MATCAP2: variants seen among roughly 807,000 people sequenced by gnomAD.
MATCAP2 encodes putative tyrosine carboxypeptidase MATCAP2.
chr7:36,369,941 G>T, the MATCAP2 span, among the ~76,000 whole-genome samples: 1 of 151,962 alleles, frequency 6.6e-6, no homozygotes, highest in Non-Finnish European at 1.5e-5. Context: ...TTATTTTTAT[G>T]TTCACCCTAC....
At chr7:36,363,934 G>A in the MATCAP2 span, among the ~76,000 whole-genome samples, 6 of 151,998 alleles carry the variant, frequency 3.9e-5, no homozygotes, top group African/African-American at 1.5e-4. Flanking sequence ...AATGTACATA[G>A]GGAAATATTC....
chr7:36,364,091 CTT>C, the MATCAP2 span, among the ~76,000 whole-genome samples: 6 of 40,602 alleles, frequency 1.5e-4, no homozygotes, highest in Admixed American at 2.1e-4. Flanking sequence ...TCTTCTTCTT[CTT>C]TTTTTTTTTT....
the MATCAP2 span, among the ~76,000 whole-genome samples, chr7:36,364,280 G>A: frequency 6.6e-6 from 1 of 151,962 alleles, no homozygotes; most frequent in Non-Finnish European, 1.5e-5. Flanking sequence ...TAGAGATAAG[G>A]TTTTGCCGTG....
chr7:36,374,833 C>T, the MATCAP2 span, among the ~76,000 whole-genome samples: 8 of 152,200 alleles, frequency 5.3e-5, no homozygotes, highest in Non-Finnish European at 1.0e-4. Flanking sequence ...ATGATGGTTT[C>T]CAGCTTCATC....
the MATCAP2 span, among the ~76,000 whole-genome samples, chr7:36,380,146 A>G: frequency 5.6e-4 from 85 of 152,316 alleles, no homozygotes; most frequent in African/African-American, 2.0e-3. Flanking sequence ...GGTGATGAGC[A>G]GGGCATTTTG....
chr7:36,361,962 T>C, the MATCAP2 span, among the ~76,000 whole-genome samples: 3 of 152,228 alleles, frequency 2.0e-5, no homozygotes, highest in African/African-American at 7.2e-5. Context: ...AACTAATTTA[T>C]GGTATTAGAC....
At chr7:36,369,347 T>C in the MATCAP2 span, among the ~76,000 whole-genome samples, 2 of 152,240 alleles carry the variant, frequency 1.3e-5, no homozygotes, top group African/African-American at 4.8e-5. Flanking sequence ...GTAGTAATTC[T>C]TGCAACATAT....
chr7:36,368,331 A>G, the MATCAP2 span: 21 of 152,232 alleles, frequency 1.4e-4, no homozygotes, highest in African/African-American at 4.3e-4. Context: ...AGAAAGTTGA[A>G]TATCAGGACC....
the MATCAP2 span, among the ~76,000 whole-genome samples, chr7:36,340,323 T>C: frequency 3.3e-5 from 5 of 152,226 alleles, no homozygotes; most frequent in African/African-American, 1.2e-4. Context: ...TAAATACACG[T>C]GTTCCTTGTT....
At chr7:36,325,169 G>GTGTT in the MATCAP2 span, 2 of 152,352 alleles carry the variant, frequency 1.3e-5, no homozygotes, top group Non-Finnish European at 2.9e-5. Context: ...GCAGATTCTA[G>GTGTT]TGTTCGGTGA....
the MATCAP2 span, among the ~76,000 whole-genome samples, chr7:36,369,026 A>G: frequency 1.3e-5 from 2 of 152,090 alleles, no homozygotes; most frequent in Non-Finnish European, 2.9e-5. Context: ...TATCTAATTT[A>G]TTATATATTT....
the MATCAP2 span, among the ~76,000 whole-genome samples, chr7:36,364,735 C>T: frequency 6.6e-5 from 10 of 152,290 alleles, no homozygotes; most frequent in South Asian, 2.1e-3. Context: ...CAGCTTAACT[C>T]TCTACATGAA....
the MATCAP2 span, among the ~76,000 whole-genome samples, chr7:36,346,629 G>T: frequency 1.3e-5 from 2 of 152,176 alleles, no homozygotes; most frequent in Admixed American, 6.5e-5. Context: ...CTGGAAGGTT[G>T]GTGAGATGGG....
At chr7:36,383,959 A>G in the MATCAP2 span, 1 of 1,312,134 alleles carries the variant, frequency 7.6e-7, no homozygotes, top group South Asian at 1.6e-5. Flanking sequence ...GTGTTATTGT[A>G]TTACTTTGTG....
the MATCAP2 span, among the ~76,000 whole-genome samples, chr7:36,366,086 G>A: frequency 6.6e-6 from 1 of 152,200 alleles, no homozygotes; most frequent in Non-Finnish European, 1.5e-5. Flanking sequence ...GTACTGCATT[G>A]CTCTAAAATG....
chr7:36,384,451 A>G, the MATCAP2 span, among the ~76,000 whole-genome samples: 3 of 152,216 alleles, frequency 2.0e-5, no homozygotes, highest in African/African-American at 7.2e-5. Flanking sequence ...AATAAGAGTT[A>G]TGCTTATATT....
the MATCAP2 span, among the ~76,000 whole-genome samples, chr7:36,331,848 A>G: frequency 6.6e-6 from 1 of 152,184 alleles, no homozygotes. Context: ...GGAGTCATAT[A>G]TTAAGGAATT....
At chr7:36,365,570 T>C in the MATCAP2 span, among the ~76,000 whole-genome samples, 1 of 152,122 alleles carries the variant, frequency 6.6e-6, no homozygotes, top group Non-Finnish European at 1.5e-5. Flanking sequence ...CGTGGTAGCA[T>C]GCGTCTGTAA....
At chr7:36,352,997 C>G in the MATCAP2 span, among the ~76,000 whole-genome samples, 4 of 151,834 alleles carry the variant, frequency 2.6e-5, no homozygotes, top group East Asian at 7.7e-4. Flanking sequence ...AGGTCAGGCC[C>G]GGCGCAGTGG....
Sources: allele counts gnomAD v4.1 joint callset (sites outside exome capture counted in the v4.1 genomes callset), GRCh38; gene constraint gnomAD v4.1.1; transcripts MANE v1.5; gene names NCBI Gene and HGNC (gene_info 2026-07-23, HGNC 2026-07-21).